PPP3CC: variants seen among roughly 807,000 people sequenced by gnomAD.
PPP3CC encodes the protein serine/threonine-protein phosphatase 2B catalytic subunit gamma isoform.
PPP3CC carries 35 observed loss-of-function variants against 60.3 expected under a neutral mutation model. The ratio of observed to expected loss-of-function variants is 0.58; its 90% confidence interval spans 0.44 to 0.77. The LOEUF (loss-of-function observed/expected upper bound fraction) is 0.77, where lower values mean the gene tolerates loss of function less well. PPP3CC is among the 30% of genes least tolerant of loss of function. PPP3CC has a pLI of 0.00. For synonymous variants in PPP3CC, 206 were observed against 224.3 expected (o/e 0.92, Z 0.73); for missense variants, 570 against 628.9 (o/e 0.91, Z 1.00).
chr8:22,454,519 A>C (rs116343412), intron 1 of PPP3CC, among the ~76,000 whole-genome samples: 7 of 152,206 alleles, frequency 4.6e-5, no homozygotes, highest in Admixed American at 4.6e-4. Flanking sequence ...GGTATAGTGA[A>C]TGTATAAGCC....
intron 12 of PPP3CC, among the ~76,000 whole-genome samples, chr8:22,538,174 A>C (rs1839885518): frequency 6.6e-6 from 1 of 152,208 alleles, no homozygotes; most frequent in African/African-American, 2.4e-5. Context: ...TGTGAATAGC[A>C]ATTCTGGGAG....
At chr8:22,459,569 C>T (rs1473938622) in intron 1 of PPP3CC, among the ~76,000 whole-genome samples, 1 of 152,000 alleles carries the variant, frequency 6.6e-6, no homozygotes, top group Non-Finnish European at 1.5e-5. Flanking sequence ...TATTATTTGT[C>T]ACATGTTATG....
In PPP3CC at chr8:22,532,998, G is replaced by C. The variant is rs1476388803; in HGVS notation, c.1301G>C (p.Gly434Ala). The part of the protein sequence containing the change: ...GTLPLGVLSG[G>A]KQTIETATVE... ...CTCCCTCTGGGCGTCCTCTCAGGAG[G>C]CAAGCAGACTATCGAGACAGGTGAG... The change falls in exon 12 of 14, where the codon GGC becomes GCC. Residue 434 changes from glycine (G) to alanine (A), a missense_variant. By Grantham distance (60) the Gly-to-Ala change is moderately conservative (BLOSUM62 0). Transcript: ENST00000240139. 6.2e-7 allele frequency: 1 copy of C among 1,603,840 alleles called. No homozygotes were observed. Among genetic ancestry groups the C allele is most frequent in the East Asian group, 2.3e-5 (1 of 43,920 alleles).
chr8:22,517,820 TTTTTTCTGTTG>T, intron 6 of PPP3CC, among the ~76,000 whole-genome samples: 1 of 152,178 alleles, frequency 6.6e-6, no homozygotes, highest in East Asian at 1.9e-4. Context: ...TTTTGTTGAC[TTTTTTCTGTTG>T]TTTTTCTATT....
intron 1 of PPP3CC, among the ~76,000 whole-genome samples, chr8:22,452,751 G>A (rs750356751): frequency 6.6e-5 from 10 of 152,138 alleles, no homozygotes; most frequent in Non-Finnish European, 1.3e-4. Context: ...AATGAAACTT[G>A]CAGTGGCAAG....
At chr8:22,527,574 A>G in intron 9 of PPP3CC, 57 bp downstream of exon 9, 2 of 1,555,318 alleles carry the variant, frequency 1.3e-6, no homozygotes, top group Non-Finnish European at 1.8e-6. Context: ...CATACCTTAT[A>G]TTTGCATGAG....
chr8:22,447,175 A>ATTTT (rs1161858120), intron 1 of PPP3CC, among the ~76,000 whole-genome samples: 27 of 116,284 alleles, frequency 2.3e-4, no homozygotes, highest in Non-Finnish European at 3.6e-4. Flanking sequence ...TGTCCAACTA[A>ATTTT]TTTTTTTTTT....
At chr8:22,447,504 G>A (rs11780915) in intron 1 of PPP3CC, among the ~76,000 whole-genome samples, 51,183 of 151,596 alleles carry the variant, frequency 0.34, 9,340 homozygotes, top group East Asian at 0.49. Flanking sequence ...TTTTTATAGA[G>A]GTGGAGTTTC....
At chr8:22,471,469 A>C (rs1368363558) in intron 1 of PPP3CC, among the ~76,000 whole-genome samples, 1 of 152,182 alleles carries the variant, frequency 6.6e-6, no homozygotes, top group Non-Finnish European at 1.5e-5. Context: ...CTATACACCT[A>C]GATGGTGTAA....
chr8:22,525,980 G>A (rs1001215095), intron 8 of PPP3CC, among the ~76,000 whole-genome samples: 4 of 150,060 alleles, frequency 2.7e-5, no homozygotes, highest in Non-Finnish European at 4.4e-5. Flanking sequence ...CAATTCTCCC[G>A]CCTCAGCCTC....
chr8:22,446,721 G>A (rs796656326), intron 1 of PPP3CC, among the ~76,000 whole-genome samples: 76 of 139,282 alleles, frequency 5.5e-4, no homozygotes, highest in African/African-American at 1.8e-3. Context: ...TAGGAGAATC[G>A]TTTGAATCTG....
At chr8:22,485,279 T>TA (rs1838191860) in intron 3 of PPP3CC, among the ~76,000 whole-genome samples, 1 of 152,066 alleles carries the variant, frequency 6.6e-6, no homozygotes, top group Non-Finnish European at 1.5e-5. Flanking sequence ...AGTACCCACT[T>TA]ACCAAGAAGG....
chr8:22,466,955 A>G (rs1837540466), intron 1 of PPP3CC, among the ~76,000 whole-genome samples: 1 of 152,142 alleles, frequency 6.6e-6, no homozygotes, highest in Non-Finnish European at 1.5e-5. Flanking sequence ...CATGCTGCCC[A>G]GGCTGGTTTC....
intron 1 of PPP3CC, among the ~76,000 whole-genome samples, chr8:22,471,828 T>C (rs1333781247): frequency 6.6e-6 from 1 of 152,106 alleles, no homozygotes; most frequent in East Asian, 1.9e-4. Context: ...ACACTAAATT[T>C]AAAACAAATT....
chr8:22,525,544 C>CTCTCTCTTTCTT (rs1563780805), intron 8 of PPP3CC, among the ~76,000 whole-genome samples: 2 of 40,940 alleles, frequency 4.9e-5, no homozygotes, highest in South Asian at 8.0e-4. Context: ...CTTTCTCTCC[C>CTCTCTCTTTCTT]TCTCTCTCTC....
chr8:22,511,253 T>G (rs1209584240), intron 5 of PPP3CC, 22 bp downstream of exon 5: 3 of 1,595,814 alleles, frequency 1.9e-6, no homozygotes, highest in Non-Finnish European at 2.6e-6. Flanking sequence ...TTTATTATTC[T>G]CACAGGGAAT....
chr8:22,448,110 T>G (rs1275253685), intron 1 of PPP3CC, among the ~76,000 whole-genome samples: 1 of 152,210 alleles, frequency 6.6e-6, no homozygotes, highest in Non-Finnish European at 1.5e-5. Flanking sequence ...TAAGCTGAGC[T>G]TAGTTATAGT....
intron 1 of PPP3CC, among the ~76,000 whole-genome samples, chr8:22,443,367 C>G (rs1341773686): frequency 6.6e-6 from 1 of 151,838 alleles, no homozygotes; most frequent in East Asian, 1.9e-4. Flanking sequence ...ACTAAACATA[C>G]AAAAATTAGC....
intron 3 of PPP3CC, among the ~76,000 whole-genome samples, chr8:22,489,689 GTATATAT>G (rs1423012033): frequency 4.2e-4 from 38 of 90,128 alleles, no homozygotes; most frequent in Admixed American, 8.6e-4. Context: ...TTATATATAA[GTATATAT>G]TATATATTAT....
Sources: allele counts gnomAD v4.1 joint callset (sites outside exome capture counted in the v4.1 genomes callset), GRCh38; gene constraint gnomAD v4.1.1; transcripts MANE v1.5; gene names NCBI Gene and HGNC (gene_info 2026-07-23, HGNC 2026-07-21).